Variants in EXOC6B observed in about 807,000 individuals in gnomAD.
EXOC6B encodes the protein exocyst complex component 6B, also known as SEC15 homolog B.
A neutral mutation model predicts 113.5 loss-of-function variants in EXOC6B; 54 were observed. That is an observed-to-expected ratio of 0.48 (90% CI 0.38 to 0.60). EXOC6B has a LOEUF of 0.60. EXOC6B is among the 20% of genes least tolerant of loss of function. EXOC6B has a pLI of 0.00. For synonymous variants in EXOC6B, 357 were observed against 339.0 expected (o/e 1.05, Z -0.58); for missense variants, 797 against 977.5 (o/e 0.82, Z 2.46).
At chr2:72,524,034 G>A (rs924908732) in intron 8 of EXOC6B, among the ~76,000 whole-genome samples, 2 of 151,568 alleles carry the variant, frequency 1.3e-5, no homozygotes, top group African/African-American at 4.9e-5. Flanking sequence ...CTGCCTACAG[G>A]AAGCAATATT....
At chr2:72,591,920 T>C (rs1026782742) in intron 6 of EXOC6B, among the ~76,000 whole-genome samples, 10 of 152,088 alleles carry the variant, frequency 6.6e-5, no homozygotes, top group Admixed American at 1.3e-4. Context: ...AACATAAATA[T>C]GAAGAAATAT....
At chr2:72,464,548 A>G (rs897709253) in intron 18 of EXOC6B, 2 of 152,350 alleles carry the variant, frequency 1.3e-5, no homozygotes, top group Non-Finnish European at 2.9e-5. Flanking sequence ...TTCTGGTGGA[A>G]GATAACACCA....
chr2:72,459,109 T>A, intron 18 of EXOC6B, among the ~76,000 whole-genome samples: 1 of 152,164 alleles, frequency 6.6e-6, no homozygotes, highest in East Asian at 1.9e-4. Flanking sequence ...AAAAACCACA[T>A]GATTATCTCA....
chr2:72,768,252 A>G (rs749543715), intron 1 of EXOC6B, among the ~76,000 whole-genome samples: 8 of 151,816 alleles, frequency 5.3e-5, no homozygotes, highest in Non-Finnish European at 1.0e-4. Context: ...TGCAGCCTCT[A>G]AGAAACTCAA....
At position 72,804,394 on chromosome 2, in the gene EXOC6B, A is replaced by G. The variant is rs189761552; in HGVS notation, c.113+21404T>C. Among the ~76,000 whole-genome samples the G allele has an allele frequency of 2.2e-3, 340 of 152,276 alleles. 3 individuals are homozygous for G. Among genetic ancestry groups the G allele is most frequent in the Non-Finnish European group, 1.1e-3 (76 of 68,014 alleles). On this transcript the variant is annotated intron_variant, in intron 1 of 21. Coordinates refer to ENST00000272427, the MANE Select transcript of EXOC6B (RefSeq NM_015189.3). ...GCATAGGAAAATGACGGATCTGCTT[A>G]TTAGTAAATCATTATTATAGTGACA...
chr2:72,773,167 C>T (rs1683502349), intron 1 of EXOC6B, among the ~76,000 whole-genome samples: 1 of 122,856 alleles, frequency 8.1e-6, no homozygotes, highest in Non-Finnish European at 1.6e-5. Context: ...CACTCTGTTG[C>T]CCAGGCTGGA....
intron 20 of EXOC6B, among the ~76,000 whole-genome samples, chr2:72,242,100 GA>G (rs1682348603): frequency 6.6e-6 from 1 of 152,078 alleles, no homozygotes; most frequent in Non-Finnish European, 1.5e-5. Flanking sequence ...CCAGCTACTG[GA>G]AGACCACTTG....
At chr2:72,212,922 T>C (rs1387071276) in intron 20 of EXOC6B, among the ~76,000 whole-genome samples, 1 of 152,056 alleles carries the variant, frequency 6.6e-6, no homozygotes, top group East Asian at 1.9e-4. Context: ...TTTTGCAAAA[T>C]AACACTGTCA....
intron 20 of EXOC6B, among the ~76,000 whole-genome samples, chr2:72,279,339 A>C (rs1435393490): frequency 6.6e-6 from 1 of 152,164 alleles, no homozygotes; most frequent in Non-Finnish European, 1.5e-5. Context: ...ATCACACTTT[A>C]GTTTCCCTTT....
At chr2:72,223,257 G>T (rs1680986557) in intron 20 of EXOC6B, among the ~76,000 whole-genome samples, 1 of 152,176 alleles carries the variant, frequency 6.6e-6, no homozygotes, top group African/African-American at 2.4e-5. Context: ...AAAACACAAA[G>T]ACTCATTCAG....
At chr2:72,319,898 C>T (rs185615970) in intron 20 of EXOC6B, among the ~76,000 whole-genome samples, 19 of 151,858 alleles carry the variant, frequency 1.3e-4, no homozygotes, top group African/African-American at 4.6e-4. Flanking sequence ...TGCAGTGGTG[C>T]GATCTCAGCC....
chr2:72,641,777 C>T (rs948152500), intron 6 of EXOC6B, among the ~76,000 whole-genome samples: 3 of 152,224 alleles, frequency 2.0e-5, no homozygotes, highest in African/African-American at 7.2e-5. Context: ...GTCCCTGACC[C>T]CTGTGTAGCC....
At chr2:72,313,336 A>G (rs1188107196) in intron 20 of EXOC6B, among the ~76,000 whole-genome samples, 1 of 152,172 alleles carries the variant, frequency 6.6e-6, no homozygotes, top group African/African-American at 2.4e-5. Flanking sequence ...TACCCATCTG[A>G]CAAACCTGCA....
chr2:72,567,784 T>C (rs528858787), intron 7 of EXOC6B, among the ~76,000 whole-genome samples: 1 of 152,148 alleles, frequency 6.6e-6, no homozygotes, highest in East Asian at 1.9e-4. Context: ...ATATAACTCA[T>C]TGTATATAAA....
chr2:72,400,733 C>T (rs568029811), intron 18 of EXOC6B, among the ~76,000 whole-genome samples: 107 of 149,024 alleles, frequency 7.2e-4, no homozygotes, highest in African/African-American at 2.4e-3. Context: ...ATTAAAACCA[C>T]GATGACATAC....
At chr2:72,690,768 G>C (rs1573629699) in intron 6 of EXOC6B, among the ~76,000 whole-genome samples, 1 of 152,164 alleles carries the variant, frequency 6.6e-6, no homozygotes, top group African/African-American at 2.4e-5. Context: ...ACAATACAGA[G>C]AAAGATGCTG....
At chr2:72,400,267 A>AT (rs1275078846) in intron 18 of EXOC6B, among the ~76,000 whole-genome samples, 4 of 152,184 alleles carry the variant, frequency 2.6e-5, no homozygotes, top group African/African-American at 9.6e-5. Flanking sequence ...CTCTCACTAT[A>AT]TACAAACATT....
At chr2:72,662,140 T>G (rs1675069700) in intron 6 of EXOC6B, among the ~76,000 whole-genome samples, 1 of 148,756 alleles carries the variant, frequency 6.7e-6, no homozygotes, top group African/African-American at 2.5e-5. Context: ...AGAGAGGAAG[T>G]TGAGGAAAGA....
intron 11 of EXOC6B, among the ~76,000 whole-genome samples, chr2:72,510,057 C>CTCCT (rs1700810478): frequency 6.6e-6 from 1 of 152,134 alleles, no homozygotes. Context: ...TGGTCTTGAA[C>CTCCT]TCCTGACCTC....
Sources: gnomAD v4.1 joint callset for allele counts (sites outside exome capture counted in the v4.1 genomes callset) on GRCh38, gnomAD v4.1.1 for gene constraint, MANE v1.5 for transcripts, NCBI Gene and HGNC (gene_info 2026-07-23, HGNC 2026-07-21) for gene names.